The following VAV1 variants were observed in gnomAD, a reference collection of about 807,000 sequenced individuals.
VAV1 encodes the protein vav guanine nucleotide exchange factor 1, also known as proto-oncogene vav.
In VAV1, 33 loss-of-function variants were observed where a neutral mutation model predicts 128.1. The observed-to-expected ratio is 0.26, with a 90% CI of 0.20 to 0.34. The LOEUF is 0.34. Ranked by LOEUF, VAV1 falls within the 10% of genes least tolerant of loss-of-function variation. The probability of loss-of-function intolerance (pLI) is 1.00; values close to 1 mark genes in which losing one functional copy is unlikely to be tolerated. For synonymous variants in VAV1, 394 were observed against 409.8 expected (o/e 0.96, Z 0.47); for missense variants, 715 against 1,093.7 (o/e 0.65, Z 4.88).
At chr19:6,779,631 C>T (rs943183303) in intron 1 of VAV1, among the ~76,000 whole-genome samples, 2 of 149,704 alleles carry the variant, frequency 1.3e-5, no homozygotes, top group Middle Eastern at 3.2e-3. Flanking sequence ...GAGGCCGAGG[C>T]GGGAGGATTG....
At chr19:6,834,070 C>T in intron 19 of VAV1, 117 bp downstream of exon 19, 1 of 1,430,362 alleles carries the variant, frequency 7.0e-7, no homozygotes, top group Non-Finnish European at 9.7e-7. Flanking sequence ...GGTGCAATAG[C>T]TCACACCTGT....
Position 6,832,108 on chromosome 19 carries a change from C to T in VAV1, c.1416C>T (p.Leu472=). The change falls in exon 15 of 27, where the codon CTC becomes CTT. Residue 472 remains leucine (L), a synonymous_variant. Coordinates refer to ENST00000602142, the MANE Select transcript of VAV1 (RefSeq NM_005428.4). ...RDNKKWSHMF[L]LIEDQGAQGY... ...CCCTGCAGTGGAGCCACATGTTCCT[C>T]CTGATCGAGGACCAAGGTGCCCAGG... is the stretch of plus-strand genomic sequence containing the variant. The T allele has an allele frequency of 1.2e-6, 2 of 1,614,134 alleles. No homozygotes were observed. Among genetic ancestry groups the T allele is most frequent in the Non-Finnish European group, 8.5e-7 (1 of 1,180,008 alleles).
intron 23 of VAV1, among the ~76,000 whole-genome samples, chr19:6,848,855 G>T (rs1972592606): frequency 6.7e-6 from 1 of 149,546 alleles, no homozygotes; most frequent in Non-Finnish European, 1.5e-5. Context: ...GTGCAGTGGT[G>T]AGATCTTAGC....
chr19:6,816,742 A>G lies in VAV1; in HGVS notation c.205-3960A>G, dbSNP rs183792849. Among the ~76,000 whole-genome samples the G allele has an allele frequency of 2.2e-4, 34 of 151,852 alleles. No homozygotes were observed. The East Asian group carries it at 5.9e-3, about 27-fold the overall frequency. On this transcript the variant is annotated intron_variant, in intron 1 of 26. Transcript: ENST00000602142. The stretch of plus-strand genomic sequence containing the variant: ...CACTTTGGGAGGCCGAGGCAGGTGC[A>G]TTACTTGAGATCAGTTCAAGACCAG...
chr19:6,821,924 G>A, intron 4 of VAV1, 65 bp downstream of exon 4: 2 of 1,597,244 alleles, frequency 1.3e-6, no homozygotes, highest in Non-Finnish European at 8.6e-7. Context: ...GAGGGTGTGG[G>A]GGGACATGGC....
chr19:6,828,778 T>C lies in VAV1; in HGVS notation c.1180-37T>C. Reference sequence around the variant, plus strand: ...GAGAGTGTGTGTCTGGCTCCTTTCTTGGGAGACCCTTGCTAGACCCCCTGC... The same window carrying C: ...GAGAGTGTGTGTCTGGCTCCTTTCTCGGGAGACCCTTGCTAGACCCCCTGC... On this transcript the variant is annotated intron_variant, in intron 12 of 26. Transcript: ENST00000602142. The surrounding 1 kb of genome is among the most constrained non-coding windows in gnomAD (Gnocchi z 4.5). 2 of 1,614,020 alleles carry C rather than the reference T, an allele frequency of 1.2e-6. No homozygotes were observed. Among genetic ancestry groups the C allele is most frequent in the Non-Finnish European group, 1.7e-6 (2 of 1,179,986 alleles).
At chr19:6,813,926 G>A (rs112740145) in intron 1 of VAV1, among the ~76,000 whole-genome samples, 9 of 152,124 alleles carry the variant, frequency 5.9e-5, no homozygotes, top group African/African-American at 2.2e-4. Flanking sequence ...CAGGTATGAT[G>A]GCATATGCTT....
intron 1 of VAV1, among the ~76,000 whole-genome samples, chr19:6,819,887 T>C (rs1288641926): frequency 6.6e-6 from 1 of 152,192 alleles, no homozygotes; most frequent in African/African-American, 2.4e-5. Context: ...TTTTTCTTTT[T>C]CCAGATACTC....
intron 16 of VAV1, 56 bp downstream of exon 16, chr19:6,833,341 AGAG>A: frequency 6.5e-7 from 1 of 1,533,252 alleles, no homozygotes; most frequent in South Asian, 1.2e-5. Context: ...GTTCCTTGCT[AGAG>A]AAGATGGCCT....
At chr19:6,819,643 A>AT (rs1318500001) in intron 1 of VAV1, among the ~76,000 whole-genome samples, 2 of 152,078 alleles carry the variant, frequency 1.3e-5, no homozygotes, top group Non-Finnish European at 2.9e-5. Context: ...TGGAAGATGG[A>AT]TTTTAACCAA....
chr19:6,838,719 A>G (rs1272044184), intron 21 of VAV1, among the ~76,000 whole-genome samples: 2 of 151,490 alleles, frequency 1.3e-5, no homozygotes, highest in African/African-American at 4.9e-5. Flanking sequence ...CATCTATTCT[A>G]TCTATCTATC....
At chr19:6,774,882 G>A (rs1030957843) in intron 1 of VAV1, among the ~76,000 whole-genome samples, 2 of 151,228 alleles carry the variant, frequency 1.3e-5, no homozygotes, top group East Asian at 2.0e-4. Flanking sequence ...AGCCTCCCAA[G>A]TAGCTGCGAC....
intron 26 of VAV1, among the ~76,000 whole-genome samples, chr19:6,856,090 T>G (rs1972792034): frequency 6.7e-6 from 1 of 149,990 alleles, no homozygotes; most frequent in African/African-American, 2.5e-5. Context: ...AGGAGAGGAG[T>G]TTGAGACCCG....
chr19:6,796,558 T>G (rs1599631136), intron 1 of VAV1, among the ~76,000 whole-genome samples: 1 of 152,188 alleles, frequency 6.6e-6, no homozygotes, highest in Admixed American at 6.5e-5. Context: ...TCAGAGCCTT[T>G]GCACTAACCT....
Position 6,805,156 on chromosome 19 carries a change from G to A in VAV1, c.205-15546G>A, listed in dbSNP as rs568695091. ...AAGCGGTGGTAAGGCCGGGCGCAGC[G>A]GTTCATGCCTGTAATCCCAGCACTT... On this transcript the variant is annotated intron_variant, in intron 1 of 26. Coordinates refer to ENST00000602142, the MANE Select transcript of VAV1 (RefSeq NM_005428.4). Among the ~76,000 whole-genome samples, 4 of 152,026 alleles carry A rather than the reference G, an allele frequency of 2.6e-5. No individual in the cohort carries two copies. The South Asian group carries it at 8.3e-4, about 32-fold the overall frequency.
At chr19:6,785,562 C>A (rs1418306312) in intron 1 of VAV1, among the ~76,000 whole-genome samples, 1 of 151,842 alleles carries the variant, frequency 6.6e-6, no homozygotes, top group Non-Finnish European at 1.5e-5. Flanking sequence ...AAACTCCTGA[C>A]TTCAGGTGAT....
chr19:6,791,104 T>G (rs1195851903), intron 1 of VAV1, among the ~76,000 whole-genome samples: 1 of 152,214 alleles, frequency 6.6e-6, no homozygotes, highest in Non-Finnish European at 1.5e-5. Context: ...CACTTGTTAT[T>G]GGATTTAGGG....
Position 6,856,488 on chromosome 19 carries a change from G to A in VAV1, c.2485-566G>A, listed in dbSNP as rs557195211. 5.3e-5 allele frequency among the ~76,000 whole-genome samples: 8 copies of A among 152,136 alleles called. No individual in the cohort carries two copies. In the East Asian group the frequency reaches 7.8e-4, roughly 15 times the overall value. On this transcript the variant is annotated intron_variant, in intron 26 of 26. Transcript: ENST00000602142. ...TGTAATCCCAGCACTCTGGGAGGCC[G>A]AGATGGGCAGATCACCGGAGGTCAG...
At chr19:6,773,038 G>A in intron 1 of VAV1, 27 bp downstream of exon 1, 2 of 1,613,822 alleles carry the variant, frequency 1.2e-6, no homozygotes, top group South Asian at 1.1e-5. Context: ...CAGGTGTGCT[G>A]AGGGTTGGAG....
Sources: allele counts gnomAD v4.1 joint callset (sites outside exome capture counted in the v4.1 genomes callset), GRCh38; gene constraint gnomAD v4.1.1; non-coding constraint Gnocchi (gnomAD v3.1); transcripts MANE v1.5; gene names NCBI Gene and HGNC (gene_info 2026-07-23, HGNC 2026-07-21).